The following C10orf88 variants were observed in gnomAD, a reference collection of about 807,000 sequenced individuals.
The protein encoded by C10orf88 is ATPase PAAT.
Under a neutral mutation model 34.2 loss-of-function variants are expected in C10orf88, and 29 were observed. That is an observed-to-expected ratio of 0.85 (90% CI 0.63 to 1.16). The LOEUF is 1.16. Ranked by LOEUF, C10orf88 falls within the 50% of genes most tolerant of loss-of-function variation. C10orf88 has a pLI of 0.00. For missense variants in C10orf88, 507 were observed against 533.2 expected (o/e 0.95, Z 0.48); for synonymous variants, 194 against 197.4 (o/e 0.98, Z 0.15).
At chr10:122,946,457 A>G (rs1589697005) in intron 4 of C10orf88, among the ~76,000 whole-genome samples, 1 of 152,192 alleles carries the variant, frequency 6.6e-6, no homozygotes, top group Admixed American at 6.5e-5. Context: ...AGTAGGCTAT[A>G]TGATCTAGGA....
chr10:122,951,476 G>C (rs1437867148), intron 3 of C10orf88, among the ~76,000 whole-genome samples: 1 of 151,288 alleles, frequency 6.6e-6, no homozygotes, highest in Admixed American at 6.6e-5. Context: ...TGAGTAACTG[G>C]GATTATAAAC....
chr10:122,937,631 G>C, intron 5 of C10orf88, 74 bp downstream of exon 5: 1 of 1,335,152 alleles, frequency 7.5e-7, no homozygotes, highest in Non-Finnish European at 1.0e-6. Context: ...TACTCATTGA[G>C]ACAAATCTGT....
chr10:122,948,812 A>G lies in C10orf88; in HGVS notation c.485T>C (p.Val162Ala), dbSNP rs1370352591. 1 of 1,613,522 alleles carries G rather than the reference A, an allele frequency of 6.2e-7. No homozygotes were observed. The highest frequency in any genetic ancestry group is 8.5e-7 in the Non-Finnish European group (1 of 1,179,892). The part of the protein sequence containing the change: ...GERQCVFISK[V>A]VVHMRSVFAN... ...AAAAACTGATCTCATGTGTACCACA[A>G]CTTTACTGATGAACACACACTGCCT... Residue 162 changes from valine to alanine, a missense_variant, in exon 4 of 6, where the codon GTT becomes GCT. Physicochemically the swap from Val to Ala is moderately conservative, Grantham distance 64 (BLOSUM62 0). Transcript: ENST00000481909.
chr10:122,953,135 T>G (rs1275924568), intron 1 of C10orf88, 103 bp from the exon 2 acceptor site: 1 of 914,810 alleles, frequency 1.1e-6, no homozygotes, highest in Admixed American at 2.1e-5. Context: ...TGGAATGCAG[T>G]GGCTCCATCT....
At chr10:122,953,900 G>A in intron 1 of C10orf88, 115 bp downstream of exon 1, 4 of 979,266 alleles carry the variant, frequency 4.1e-6, no homozygotes, top group Non-Finnish European at 5.2e-6. Context: ...TAGAGACCTG[G>A]TACCAACTGC....
At chr10:122,953,989 AC>A (rs771110839) in intron 1 of C10orf88, 25 bp downstream of exon 1, 4 of 1,499,850 alleles carry the variant, frequency 2.7e-6, no homozygotes, top group Non-Finnish European at 2.7e-6. Flanking sequence ...GAGCATAGCG[AC>A]CCCGTCCCCG....
Position 122,952,990 on chromosome 10 carries a change from A to G in C10orf88, c.207T>C (p.Asp69=). 1 of 1,614,198 alleles carries G rather than the reference A, an allele frequency of 6.2e-7. No individual in the cohort carries two copies. The highest frequency in any genetic ancestry group is 1.7e-5 in the Admixed American group (1 of 60,030). Residue 69 remains aspartate, a synonymous_variant, in exon 2 of 6, where the codon GAT becomes GAC. Transcript: ENST00000481909. The stretch of plus-strand genomic sequence containing the variant: ...TCAGGTAAAGGAAGCAGGGGTTTTC[A>G]TCTTTGTTGTTGTGGTTTCTCTTCA... The part of the protein sequence containing the change: ...VILKRNHNNK[D]ENPCFLYLRC...
intron 5 of C10orf88, chr10:122,933,523 C>A (rs1564719220): frequency 1.3e-5 from 2 of 152,110 alleles, no homozygotes; most frequent in East Asian, 3.8e-4. Flanking sequence ...CTCCATGATT[C>A]TTTTGGGAAT....
Position 122,937,821 on chromosome 10 carries a change from GGAGTTGGGTATATTT to G in C10orf88, c.972_986del (p.Asn325_Ser329del). 6.2e-7 allele frequency: 1 copy of G among 1,613,066 alleles called. No individual in the cohort carries two copies. The highest frequency in any genetic ancestry group is 1.7e-4 in the Middle Eastern group (1 of 6,060). On this transcript the variant is annotated inframe_deletion, in exon 5 of 6. Transcript: ENST00000481909. ...AATTCTGGAGAAAAGGCAGCAACTC[GGAGTTGGGTATATTT>G]GAGTTGTCACTTACTTTCTTTGGTA... is the stretch of plus-strand genomic sequence containing the variant.
rs1271354164 is a variant in C10orf88, at chr10:122,932,340, A to C, written c.*87T>G. On this transcript the variant is annotated 3_prime_UTR_variant, in exon 6 of 6. Coordinates refer to ENST00000481909, the MANE Select transcript of C10orf88 (RefSeq NM_024942.4). ...ACAATGATCCCTCAAAGGACATTAA[A>C]TACTTGCTTTTTATAAATATTTTTG... 5 of 1,144,918 alleles carry C rather than the reference A, an allele frequency of 4.4e-6. No individual in the cohort carries two copies. The highest frequency in any genetic ancestry group is 1.6e-5 in the African/African-American group (1 of 63,496). The allele number at this position is 1,144,918 out of a possible 1,614,324, so 70.9% of individuals were successfully genotyped here.
Position 122,937,638 on chromosome 10 carries a change from C to A in C10orf88, c.1103+67G>T, listed in dbSNP as rs573958784. The A allele has an allele frequency of 6.6e-6, 9 of 1,369,978 alleles. No homozygotes were observed. The East Asian group carries it at 1.6e-4, about 25-fold the overall frequency. The allele number at this position is 1,369,978 out of a possible 1,614,324, so 84.9% of individuals were successfully genotyped here. A position where few individuals can be genotyped will look rare whatever the true frequency, so the allele number is the denominator to read the frequency against. ...TTAGGCAGTACTCATTGAGACAAAT[C>A]TGTTTCCTTTCATCTGATTCTTCCA... On this transcript the variant is annotated intron_variant, in intron 5 of 5. Transcript: ENST00000481909.
chr10:122,952,683 G>A (rs1443322843), intron 2 of C10orf88, 146 bp downstream of exon 2: 8 of 933,948 alleles, frequency 8.6e-6, no homozygotes, highest in Non-Finnish European at 9.6e-6. Flanking sequence ...CTCTAAAGTT[G>A]TAAACTTCTA....
At position 122,942,828 on chromosome 10, in the gene C10orf88, G is replaced by T. The variant is rs977412739; in HGVS notation, c.649-4669C>A. Among the ~76,000 whole-genome samples, 12 of 149,962 alleles carry T rather than the reference G, an allele frequency of 8.0e-5. 1 individual carries two copies. The highest frequency in any genetic ancestry group is 3.0e-5 in the Non-Finnish European group (2 of 67,234). On this transcript the variant is annotated intron_variant, in intron 4 of 5. Transcript: ENST00000481909. ...AATCCAGCTTACAAGGGATGTGAAGGACCTCTTCAAGGAGAACTACAAACC... is the reference window on the plus strand; with the variant it reads ...AATCCAGCTTACAAGGGATGTGAAGTACCTCTTCAAGGAGAACTACAAACC...
At chr10:122,953,366 C>A (rs1467631778) in intron 1 of C10orf88, among the ~76,000 whole-genome samples, 1 of 152,184 alleles carries the variant, frequency 6.6e-6, no homozygotes, top group Non-Finnish European at 1.5e-5. Flanking sequence ...TGTGAGCCAC[C>A]GTGCCCGGCC....
intron 3 of C10orf88, among the ~76,000 whole-genome samples, chr10:122,950,651 T>A (rs545761254): frequency 2.0e-5 from 3 of 152,204 alleles, no homozygotes; most frequent in Non-Finnish European, 4.4e-5. Flanking sequence ...TTTATTTTAC[T>A]CATTGAGTCT....
chr10:122,942,514 T>C (rs1848594697), intron 4 of C10orf88, among the ~76,000 whole-genome samples: 1 of 151,956 alleles, frequency 6.6e-6, no homozygotes, highest in African/African-American at 2.4e-5. Flanking sequence ...GTGTTGGAAG[T>C]TCTGGCCAGG....
intron 3 of C10orf88, among the ~76,000 whole-genome samples, chr10:122,949,861 C>G (rs2133336421): frequency 6.6e-6 from 1 of 152,200 alleles, no homozygotes; most frequent in South Asian, 2.1e-4. Flanking sequence ...AAATTCAGAA[C>G]TATAAGAGAA....
intron 4 of C10orf88, among the ~76,000 whole-genome samples, chr10:122,944,391 G>A (rs1442699390): frequency 9.2e-6 from 1 of 108,448 alleles, no homozygotes; most frequent in African/African-American, 3.5e-5. Flanking sequence ...GGGGGGAGGG[G>A]GGAGGGATAG....
At chr10:122,937,643 T>A (rs1848545168) in intron 5 of C10orf88, 62 bp downstream of exon 5, 2 of 1,394,956 alleles carry the variant, frequency 1.4e-6, no homozygotes, top group South Asian at 1.4e-5. Context: ...CAAATCTGTT[T>A]CCTTTCATCT....
Sources: allele counts gnomAD v4.1 joint callset (sites outside exome capture counted in the v4.1 genomes callset), GRCh38; gene constraint gnomAD v4.1.1; transcripts MANE v1.5; gene names NCBI Gene and HGNC (gene_info 2026-07-23, HGNC 2026-07-21).